Variants in NIPBL observed in about 807,000 individuals in gnomAD.
NIPBL encodes nipped-B-like protein.
NIPBL carries 19 observed loss-of-function variants against 321.8 expected under a neutral mutation model. That is an observed-to-expected ratio of 0.06 (90% CI 0.04 to 0.09). The LOEUF (loss-of-function observed/expected upper bound fraction) is 0.09. Ranked by LOEUF, NIPBL falls within the 10% of genes least tolerant of loss-of-function variation. The probability of loss-of-function intolerance (pLI) is 1.00; values close to 1 mark genes in which losing one functional copy is unlikely to be tolerated. For synonymous variants in NIPBL, 1,106 were observed against 1,114.1 expected (o/e 0.99, Z 0.14); for missense variants, 2,210 against 3,327.0 (o/e 0.66, Z 8.26).
At position 37,010,213 on chromosome 5, in the gene NIPBL, T is replaced by G. The variant is rs1747948326; in HGVS notation, c.4548T>G (p.Asp1516Glu). The change falls in exon 21 of 47, where the codon GAT becomes GAG. Residue 1516 changes from aspartate (D) to glutamate (E), a missense_variant. Asp to Glu is a conservative substitution (Grantham distance 45, BLOSUM62 2). Around this residue, in one of 14 missense-constraint regions of NIPBL, gnomAD observed 381 missense variants for 642.3 expected, o/e 0.59. Transcript: ENST00000282516. The stretch of plus-strand genomic sequence containing the variant: ...AGAAGGACTCTAATGCAGAAGAAGA[T>G]TCAAATAAAAAAGTAAGGAATCTAT... ...SSEKDSNAEE[D>E]SNKKIDQDVV... is the part of the protein sequence containing the mutation. The G allele has an allele frequency of 6.2e-7, 1 of 1,608,308 alleles. No homozygotes were observed. Among genetic ancestry groups the G allele is most frequent in the Non-Finnish European group, 8.5e-7 (1 of 1,175,066 alleles).
At chr5:36,896,714 C>G (rs12516349) in intron 1 of NIPBL, among the ~76,000 whole-genome samples, 17,156 of 152,128 alleles carry the variant, frequency 0.11, 1,063 homozygotes, top group Admixed American at 0.18. Flanking sequence ...ATTATTGTTC[C>G]TTAGCCTCCG....
At chr5:36,936,999 G>A (rs186176995) in intron 1 of NIPBL, among the ~76,000 whole-genome samples, 83 of 152,174 alleles carry the variant, frequency 5.5e-4, no homozygotes, top group African/African-American at 1.9e-3. Flanking sequence ...TTTCTATAAA[G>A]GAGAATTTGT....
At chr5:36,960,005 G>A in intron 4 of NIPBL, among the ~76,000 whole-genome samples, 1 of 152,112 alleles carries the variant, frequency 6.6e-6, no homozygotes, top group Admixed American at 6.5e-5. Context: ...GCCAAGGTAG[G>A]AGGATTGCTT....
chr5:36,998,281 GTTT>G (rs371360817), intron 11 of NIPBL, among the ~76,000 whole-genome samples: 2 of 147,318 alleles, frequency 1.4e-5, no homozygotes, highest in Non-Finnish European at 3.0e-5. Flanking sequence ...TATGGAAGTT[GTTT>G]TTTTTTTAAT....
At chr5:36,894,407 A>G (rs1283375035) in intron 1 of NIPBL, among the ~76,000 whole-genome samples, 1 of 152,146 alleles carries the variant, frequency 6.6e-6, no homozygotes, top group Non-Finnish European at 1.5e-5. Context: ...TATGTGTCCA[A>G]AGGTATTGTA....
intron 37 of NIPBL, 48 bp from the exon 38 acceptor site, chr5:37,046,061 A>T (rs1752951965): frequency 1.1e-6 from 1 of 942,402 alleles, no homozygotes; most frequent in Non-Finnish European, 1.7e-6. Flanking sequence ...TTGAAAATTA[A>T]TCTAAGTTAC....
At chr5:37,058,714 A>G (rs1263556604) in intron 43 of NIPBL, among the ~76,000 whole-genome samples, 177 bp from the exon 44 acceptor site, 1 of 152,154 alleles carries the variant, frequency 6.6e-6, no homozygotes, top group African/African-American at 2.4e-5. Context: ...ATTATATATA[A>G]TTTTATTTAG....
At chr5:36,944,832 A>G (rs552923894) in intron 1 of NIPBL, among the ~76,000 whole-genome samples, 1 of 152,264 alleles carries the variant, frequency 6.6e-6, no homozygotes, top group South Asian at 2.1e-4. Context: ...ATTTTCACAT[A>G]AAAGCCTTTT....
rs1040878954 is a variant in NIPBL, at chr5:36,929,524, A to G, written c.-79-24094A>G. 4.6e-5 allele frequency among the ~76,000 whole-genome samples: 7 copies of G among 152,044 alleles called. No individual in the cohort carries two copies. In the East Asian group the frequency reaches 1.4e-3, roughly 29 times the overall value. The stretch of plus-strand genomic sequence containing the variant: ...CTATGGCTTGTCTTTTCATTTTCTT[A>G]TTGATATCATTTGAACTATGAAAAT... On this transcript the variant is annotated intron_variant, in intron 1 of 46. Transcript: ENST00000282516.
In NIPBL at chr5:37,027,382, A is replaced by G; in HGVS notation, c.5832A>G (p.Gly1944=). ...TDVVAACRDT[G]YDWFEQLLQN... ...AGGTTGCAGCATGCAGAGATACTGGATATGACTGGTTTGAGCAACTGCTTC... is the reference window on the plus strand; with the variant it reads ...AGGTTGCAGCATGCAGAGATACTGGGTATGACTGGTTTGAGCAACTGCTTC... Residue 1944 remains glycine (G), a synonymous_variant, in exon 32 of 47, where the codon GGA becomes GGG. Coordinates refer to ENST00000282516, the MANE Select transcript of NIPBL (RefSeq NM_133433.4). The G allele has an allele frequency of 1.9e-6, 3 of 1,613,102 alleles. No homozygotes were observed. The highest frequency in any genetic ancestry group is 2.5e-6 in the Non-Finnish European group (3 of 1,179,324).
chr5:36,921,707 A>G (rs1748953807), intron 1 of NIPBL, among the ~76,000 whole-genome samples: 1 of 152,200 alleles, frequency 6.6e-6, no homozygotes. Flanking sequence ...TATTTTAATG[A>G]AAATACCAGC....
At chr5:36,908,318 T>C (rs1459082329) in intron 1 of NIPBL, among the ~76,000 whole-genome samples, 1 of 152,200 alleles carries the variant, frequency 6.6e-6, no homozygotes, top group Non-Finnish European at 1.5e-5. Flanking sequence ...TAACTTTACA[T>C]ATGATAGCCC....
chr5:37,013,804 T>G (rs969633200), intron 21 of NIPBL, among the ~76,000 whole-genome samples: 49 of 151,156 alleles, frequency 3.2e-4, no homozygotes, highest in African/African-American at 9.2e-4. Flanking sequence ...CCCAGACGGG[T>G]TGGCGGCCGG....
At chr5:36,955,325 T>G in intron 2 of NIPBL, 147 bp from the exon 3 acceptor site, 1 of 688,998 alleles carries the variant, frequency 1.5e-6, no homozygotes, top group Non-Finnish European at 2.5e-6. Flanking sequence ...TAGGGTTGAT[T>G]GAGGTTTGTT....
In NIPBL at chr5:37,060,141, A is replaced by G. The variant is rs144031306; in HGVS notation, c.7686-703A>G. Among the ~76,000 whole-genome samples, 649 of 152,276 alleles carry G rather than the reference A, an allele frequency of 4.3e-3. 4 individuals are homozygous for G. The highest frequency in any genetic ancestry group is 0.014 in the African/African-American group (594 of 41,556). On this transcript the variant is annotated intron_variant, in intron 44 of 46. Transcript: ENST00000282516. ...TAGGCATAATGTGGCTAGAGCTCCC[A>G]CTTTTTCAGGAGACACTAGAAATCC...
intron 10 of NIPBL, among the ~76,000 whole-genome samples, chr5:36,991,145 G>A (rs1316852205): frequency 6.6e-6 from 1 of 151,996 alleles, no homozygotes; most frequent in African/African-American, 2.4e-5. Flanking sequence ...TTTTCTGGCT[G>A]TAATGTATCA....
At chr5:36,919,561 A>G (rs1748756089) in intron 1 of NIPBL, among the ~76,000 whole-genome samples, 1 of 152,150 alleles carries the variant, frequency 6.6e-6, no homozygotes, top group African/African-American at 2.4e-5. Flanking sequence ...CTTGAAAAGC[A>G]TGATTTTGAA....
rs1217672678 is a variant in NIPBL, at chr5:37,027,472, G to A, written c.5862+60G>A. The stretch of plus-strand genomic sequence containing the variant: ...TTAATAGGTTAGTTTTTTGTTGTTG[G>A]TGTTTTTTTTTTTTTGGACTGTATG... On this transcript the variant is annotated intron_variant, in intron 32 of 46. Coordinates refer to ENST00000282516, the MANE Select transcript of NIPBL (RefSeq NM_133433.4). 6.3e-6 allele frequency: 8 copies of A among 1,279,948 alleles called. No individual in the cohort carries two copies. The Admixed American group carries it at 1.1e-4, about 17-fold the overall frequency. 79.3% of individuals were successfully genotyped at this position (1,279,948 alleles called of 1,614,324 possible).
chr5:36,950,114 T>C (rs1369675738), intron 1 of NIPBL, among the ~76,000 whole-genome samples: 1 of 152,112 alleles, frequency 6.6e-6, no homozygotes, highest in African/African-American at 2.4e-5. Context: ...TTATTTCTCC[T>C]ACCTTATGAT....
Sources: gnomAD v4.1 joint callset for allele counts (sites outside exome capture counted in the v4.1 genomes callset) on GRCh38, gnomAD v4.1.1 for gene constraint, gnomAD v4.1.1 regional missense constraint, MANE v1.5 for transcripts, NCBI Gene and HGNC (gene_info 2026-07-23, HGNC 2026-07-21) for gene names.